ARID2: variants seen among roughly 807,000 people sequenced by gnomAD.
ARID2 encodes the protein AT-rich interactive domain-containing protein 2.
ARID2 carries 32 observed loss-of-function variants against 184.6 expected under a neutral mutation model. The ratio of observed to expected loss-of-function variants is 0.17; its 90% CI spans 0.13 to 0.23. ARID2 has a LOEUF of 0.23. Ranked by LOEUF, ARID2 falls within the 10% of genes least tolerant of loss-of-function variation. The pLI is 1.00. For synonymous variants in ARID2, 836 were observed against 772.6 expected (o/e 1.08, Z -1.36); for missense variants, 1,696 against 2,197.6 (o/e 0.77, Z 4.56).
intron 15 of ARID2, among the ~76,000 whole-genome samples, chr12:45,856,303 G>A (rs1305131814): frequency 1.3e-5 from 2 of 151,784 alleles, no homozygotes; most frequent in African/African-American, 4.8e-5. Context: ...TCCTGACCTC[G>A]TGATCCGCCC....
Position 45,852,174 on chromosome 12 carries a change from A to G in ARID2, c.4051A>G (p.Ser1351Gly), listed in dbSNP as rs758169718. Residue 1351 changes from serine (S) to glycine (G), a missense_variant, in exon 15 of 21, where the codon AGT becomes GGT. Transcript: ENST00000334344. Reference sequence around the variant, plus strand: ...ACAAATAGACATGCAAGATATCAAAAGTGATTTGAGAAAACCGCTAGTTAA... The same window carrying G: ...ACAAATAGACATGCAAGATATCAAAGGTGATTTGAGAAAACCGCTAGTTAA... ...SEQIDMQDIK[S>G]DLRKPLVNGI... is the part of the protein sequence containing the mutation. The G allele has an allele frequency of 6.2e-7, 1 of 1,614,144 alleles. No individual in the cohort carries two copies. Among genetic ancestry groups the G allele is most frequent in the Non-Finnish European group, 8.5e-7 (1 of 1,180,012 alleles).
At chr12:45,828,546 A>G (rs1218319742) in intron 6 of ARID2, among the ~76,000 whole-genome samples, 1 of 152,074 alleles carries the variant, frequency 6.6e-6, no homozygotes, top group East Asian at 1.9e-4. Context: ...ATACTACCAA[A>G]CATGTTTCAA....
intron 16 of ARID2, among the ~76,000 whole-genome samples, chr12:45,889,008 C>T (rs1248045150): frequency 6.6e-6 from 1 of 152,004 alleles, no homozygotes; most frequent in South Asian, 2.1e-4. Context: ...GCCGACATGC[C>T]GAAACCCTGT....
chr12:45,801,303 CT>C (rs1164798094), intron 3 of ARID2, among the ~76,000 whole-genome samples: 2 of 148,008 alleles, frequency 1.4e-5, no homozygotes, highest in Non-Finnish European at 3.0e-5. Flanking sequence ...AAGAGTGAGA[CT>C]CCGTCTCAAA....
chr12:45,770,728 G>C (rs1338324790), intron 3 of ARID2, among the ~76,000 whole-genome samples: 2 of 152,192 alleles, frequency 1.3e-5, no homozygotes, highest in African/African-American at 4.8e-5. Flanking sequence ...GCAGAGAAAG[G>C]CTAAAGCAGA....
intron 3 of ARID2, among the ~76,000 whole-genome samples, chr12:45,779,748 A>T (rs1436422296): frequency 1.3e-5 from 2 of 152,068 alleles, no homozygotes; most frequent in East Asian, 3.8e-4. Flanking sequence ...ATAATAATTT[A>T]TTCAATAATA....
chr12:45,849,851 C>A (rs956902612), intron 14 of ARID2, 75 bp downstream of exon 14: 2 of 1,448,312 alleles, frequency 1.4e-6, no homozygotes, highest in Admixed American at 2.0e-5. Context: ...ATATTCTATG[C>A]ATTTTAAATG....
intron 3 of ARID2, among the ~76,000 whole-genome samples, chr12:45,747,480 T>C (rs1452718239): frequency 3.3e-5 from 5 of 152,144 alleles, no homozygotes; most frequent in African/African-American, 1.2e-4. Context: ...TTTTTTTTTT[T>C]TAATGGCAAT....
At chr12:45,772,884 G>A (rs1941902751) in intron 3 of ARID2, among the ~76,000 whole-genome samples, 1 of 152,176 alleles carries the variant, frequency 6.6e-6, no homozygotes, top group African/African-American at 2.4e-5. Context: ...GACTTGAACA[G>A]CATTGTAAGT....
At chr12:45,818,553 G>A (rs528979774) in intron 5 of ARID2, among the ~76,000 whole-genome samples, 33 of 152,106 alleles carry the variant, frequency 2.2e-4, no homozygotes, top group African/African-American at 7.0e-4. Flanking sequence ...CTTGCTTTCC[G>A]ACTCTCCCCA....
chr12:45,817,985 G>A (rs1009960094), intron 5 of ARID2, 97 bp downstream of exon 5: 12 of 872,230 alleles, frequency 1.4e-5, no homozygotes, highest in Middle Eastern at 6.7e-4. Flanking sequence ...CAACATAATA[G>A]CATTCTTTAT....
intron 7 of ARID2, 39 bp downstream of exon 7, chr12:45,836,694 G>A (rs2138126007): frequency 6.2e-7 from 1 of 1,601,064 alleles, no homozygotes; most frequent in Non-Finnish European, 8.5e-7. Context: ...AACCTTTGAA[G>A]TATTAATAAA....
intron 3 of ARID2, among the ~76,000 whole-genome samples, chr12:45,797,683 C>T (rs896659597): frequency 6.6e-6 from 1 of 151,926 alleles, no homozygotes; most frequent in Non-Finnish European, 1.5e-5. Context: ...ATTTCTTACT[C>T]ACCTGGAATT....
intron 16 of ARID2, among the ~76,000 whole-genome samples, chr12:45,861,459 C>T (rs1418878896): frequency 1.3e-5 from 2 of 151,964 alleles, no homozygotes; most frequent in Middle Eastern, 3.4e-3. Flanking sequence ...CTTTCTTAGA[C>T]TTGAAGGAAA....
At chr12:45,876,345 G>A (rs1203318727) in intron 16 of ARID2, among the ~76,000 whole-genome samples, 1 of 151,972 alleles carries the variant, frequency 6.6e-6, no homozygotes, top group East Asian at 2.0e-4. Flanking sequence ...GAGGTTGGGA[G>A]TTCAAGACCA....
chr12:45,863,438 A>T (rs533912523), intron 16 of ARID2, among the ~76,000 whole-genome samples: 1 of 152,300 alleles, frequency 6.6e-6, no homozygotes, highest in South Asian at 2.1e-4. Context: ...AAAGAACTTT[A>T]TGCTGGGCAT....
At chr12:45,867,243 C>A (rs946478819) in intron 16 of ARID2, among the ~76,000 whole-genome samples, 4 of 151,562 alleles carry the variant, frequency 2.6e-5, no homozygotes, top group Admixed American at 2.6e-4. Context: ...GCCACTGCAC[C>A]CAGCCTGTTG....
At chr12:45,890,707 A>G (rs1235777201) in intron 16 of ARID2, among the ~76,000 whole-genome samples, 1 of 152,178 alleles carries the variant, frequency 6.6e-6, no homozygotes, top group Non-Finnish European at 1.5e-5. Context: ...GTATTTAATT[A>G]CTTTTTTGAT....
intron 6 of ARID2, 86 bp from the exon 7 acceptor site, chr12:45,836,503 A>G (rs1943222539): frequency 7.9e-7 from 1 of 1,272,006 alleles, no homozygotes; most frequent in Non-Finnish European, 1.1e-6. Flanking sequence ...GGCATGAGCC[A>G]CCATACCTAG....
Sources: gnomAD v4.1 joint callset for allele counts (sites outside exome capture counted in the v4.1 genomes callset) on GRCh38, gnomAD v4.1.1 for gene constraint, MANE v1.5 for transcripts, NCBI Gene and HGNC (gene_info 2026-07-23, HGNC 2026-07-21) for gene names.